Variants in ESRRG observed in about 807,000 individuals in gnomAD.
The protein encoded by ESRRG is estrogen related receptor gamma.
A neutral mutation model predicts 44.0 loss-of-function variants in ESRRG; 13 were observed. The observed-to-expected ratio is 0.30, with a 90% CI of 0.19 to 0.47. ESRRG has a LOEUF of 0.47. Ranked by LOEUF, ESRRG falls within the 20% of genes least tolerant of loss-of-function variation. The probability of loss-of-function intolerance (pLI) is 1.00; values close to 1 mark genes in which losing one functional copy is unlikely to be tolerated. For synonymous variants in ESRRG, 215 were observed against 214.6 expected (o/e 1.00, Z -0.02); for missense variants, 395 against 580.6 (o/e 0.68, Z 3.29).
chr1:217,043,785 C>T (rs1216390386), intron 1 of ESRRG, among the ~76,000 whole-genome samples: 5 of 151,948 alleles, frequency 3.3e-5, no homozygotes, highest in South Asian at 2.1e-4. Context: ...AAACTAAGAA[C>T]TCAAAATAGA....
At chr1:217,101,653 T>C (rs1338687412) in intron 1 of ESRRG, among the ~76,000 whole-genome samples, 2 of 152,186 alleles carry the variant, frequency 1.3e-5, no homozygotes, top group African/African-American at 4.8e-5. Flanking sequence ...TTCTCCTACC[T>C]CACTCCACCT....
At chr1:216,889,198 C>A (rs2057441700) in intron 2 of ESRRG, among the ~76,000 whole-genome samples, 1 of 152,126 alleles carries the variant, frequency 6.6e-6, no homozygotes, top group Non-Finnish European at 1.5e-5. Flanking sequence ...GGGAGGGGGT[C>A]AAAATGCTGA....
rs138117793 is a variant in ESRRG, at chr1:216,580,443, A to G, written c.590-12345T>C. 2.2e-4 allele frequency among the ~76,000 whole-genome samples: 33 copies of G among 152,336 alleles called. No individual in the cohort carries two copies. The East Asian group carries it at 5.0e-3, about 23-fold the overall frequency. ...AAGGTAGACTCAGTTTTATTTTTTA[A>G]CTATTCATCATAGATAACATAAAAC... On this transcript the variant is annotated intron_variant, in intron 3 of 6. Transcript: ENST00000408911.
At chr1:216,574,348 T>G (rs1266337901) in intron 3 of ESRRG, among the ~76,000 whole-genome samples, 1 of 151,692 alleles carries the variant, frequency 6.6e-6, no homozygotes. Flanking sequence ...GGGCAAGGAG[T>G]AAAAAAAATG....
Position 216,864,470 on chromosome 1 carries a change from T to C in ESRRG, c.-14+75112A>G, listed in dbSNP as rs566079215. Reference sequence around the variant, plus strand: ...TGTCTGCTATTGGATGAGGGTTACATTCAAAGATTCCAGTTGTACTTTTGT... The same window carrying C: ...TGTCTGCTATTGGATGAGGGTTACACTCAAAGATTCCAGTTGTACTTTTGT... On this transcript the variant is annotated intron_variant, in intron 2 of 7. Coordinates refer to the ESRRG transcript ENST00000359162. 4 of 152,198 alleles carry C rather than the reference T, an allele frequency of 2.6e-5. No individual in the cohort carries two copies. In the East Asian group the frequency reaches 7.7e-4, roughly 29 times the overall value. The allele number at this position is 152,198 out of a possible 1,614,324, so 9.4% of individuals were successfully genotyped here.
At chr1:216,775,217 T>C (rs2093556665) in intron 2 of ESRRG, among the ~76,000 whole-genome samples, 1 of 152,130 alleles carries the variant, frequency 6.6e-6, no homozygotes, top group African/African-American at 2.4e-5. Flanking sequence ...TGTCACCTGT[T>C]GTTCATCTAT....
At position 216,852,555 on chromosome 1, in the gene ESRRG, GA is replaced by G. The variant is rs554633408; in HGVS notation, c.-14+87026del. On this transcript the variant is annotated intron_variant, in intron 2 of 7. Transcript: ENST00000359162. ...GAAATTGTAAACTCCTGAAAGGCAA[GA>G]AAAAAAATGTGTTCATACTATCTTG... Among the ~76,000 whole-genome samples the G allele has an allele frequency of 2.6e-3, 394 of 151,782 alleles. 2 individuals are homozygous for G. The highest frequency in any genetic ancestry group is 9.0e-3 in the African/African-American group (372 of 41,456).
rs1289389134 is a variant in ESRRG, at chr1:216,504,150, T to C, written c.*2789A>G. ...TTTTCAGTTGGTTGGCTCTTACTTC[T>C]GAAGCCCAAGTACTTTAATGTGATA... On this transcript the variant is annotated 3_prime_UTR_variant, in exon 7 of 7. Coordinates refer to ENST00000408911, the MANE Select transcript of ESRRG (RefSeq NM_001438.4). 3.3e-5 allele frequency: 5 copies of C among 152,494 alleles called. No homozygotes were observed. The highest frequency in any genetic ancestry group is 4.4e-5 in the Non-Finnish European group (3 of 67,976). The allele number at this position is 152,494 out of a possible 1,614,324, so 9.4% of individuals were successfully genotyped here.
intron 2 of ESRRG, among the ~76,000 whole-genome samples, chr1:216,662,092 C>T (rs1450140798): frequency 1.3e-5 from 2 of 152,056 alleles, no homozygotes; most frequent in Non-Finnish European, 2.9e-5. Flanking sequence ...TAGCAGAGTT[C>T]CTGACAGGGA....
At chr1:216,516,624 AAC>A (rs566316735) in intron 6 of ESRRG, among the ~76,000 whole-genome samples, 11 of 71,376 alleles carry the variant, frequency 1.5e-4, no homozygotes, top group African/African-American at 3.9e-4. Context: ...GGAATTCCTA[AAC>A]ACACACACAT....
At chr1:216,689,792 T>C (rs2078725556) in intron 1 of ESRRG, among the ~76,000 whole-genome samples, 1 of 151,070 alleles carries the variant, frequency 6.6e-6, no homozygotes, top group African/African-American at 2.5e-5. Context: ...ATATAACTGA[T>C]TAAAGATTAT....
chr1:216,890,361 A>G (rs1436451669), intron 2 of ESRRG, among the ~76,000 whole-genome samples: 1 of 152,194 alleles, frequency 6.6e-6, no homozygotes, highest in Non-Finnish European at 1.5e-5. Flanking sequence ...AGCCCATATC[A>G]TTTTGTCCTT....
At chr1:216,695,932 A>G (rs182230503) in intron 1 of ESRRG, among the ~76,000 whole-genome samples, 1 of 152,292 alleles carries the variant, frequency 6.6e-6, no homozygotes, top group Admixed American at 6.5e-5. Flanking sequence ...CTGTTAGGCA[A>G]TTTCCTTATG....
intron 1 of ESRRG, among the ~76,000 whole-genome samples, chr1:216,688,834 A>G (rs1405798023): frequency 6.6e-6 from 1 of 152,188 alleles, no homozygotes; most frequent in East Asian, 1.9e-4. Flanking sequence ...TACAGAGAAA[A>G]GCTGAAATTG....
chr1:217,073,032 C>T (rs2090766357), intron 1 of ESRRG, among the ~76,000 whole-genome samples: 2 of 151,830 alleles, frequency 1.3e-5, no homozygotes, highest in Non-Finnish European at 2.9e-5. Flanking sequence ...CACTGATGTG[C>T]TTGTTGACTG....
rs899606945 is a variant in ESRRG at position 216,718,978 on chromosome 1, A to C, written c.56+4266T>G. On this transcript the variant is annotated intron_variant, in intron 1 of 6. Coordinates refer to ENST00000408911, the MANE Select transcript of ESRRG (RefSeq NM_001438.4). Reference sequence around the variant, plus strand: ...ATTGCTATTAATTGCCATTTGTATGAAAAAGTATCTCTCATCAGCATATAA... The same window carrying C: ...ATTGCTATTAATTGCCATTTGTATGCAAAAGTATCTCTCATCAGCATATAA... 6.6e-5 allele frequency among the ~76,000 whole-genome samples: 10 copies of C among 152,096 alleles called. No individual in the cohort carries two copies. In the South Asian group the frequency reaches 8.3e-4, roughly 13 times the overall value.
chr1:216,908,215 T>C (rs1426404343), intron 2 of ESRRG, among the ~76,000 whole-genome samples: 3 of 152,180 alleles, frequency 2.0e-5, no homozygotes, highest in African/African-American at 7.2e-5. Context: ...TGGGATGAGG[T>C]CTGCCCACTG....
intron 1 of ESRRG, among the ~76,000 whole-genome samples, chr1:217,059,506 T>C (rs1277094902): frequency 6.6e-6 from 1 of 152,118 alleles, no homozygotes; most frequent in Non-Finnish European, 1.5e-5. Context: ...AATTTATAGA[T>C]ATGCCTGAAG....
chr1:217,075,823 A>G (rs1245789006), intron 1 of ESRRG, among the ~76,000 whole-genome samples: 1 of 152,158 alleles, frequency 6.6e-6, no homozygotes, highest in Non-Finnish European at 1.5e-5. Context: ...CTAAACAAAG[A>G]GTTTGCCAGA....
Sources: gnomAD v4.1 joint callset for allele counts (sites outside exome capture counted in the v4.1 genomes callset) on GRCh38, gnomAD v4.1.1 for gene constraint, MANE v1.5 for transcripts, NCBI Gene and HGNC (gene_info 2026-07-23, HGNC 2026-07-21) for gene names.